KRT78: variants seen among roughly 807,000 people sequenced by gnomAD.
KRT78 encodes the protein keratin 78, also known as keratin, type II cytoskeletal 78.
Under a neutral mutation model 51.4 loss-of-function variants are expected in KRT78, and 55 were observed. The ratio of observed to expected loss-of-function variants is 1.07; its 90% CI spans 0.86 to 1.34. The LOEUF is 1.34. Among genes scored for constraint, KRT78 ranks in the 40% most tolerant of loss-of-function variants. KRT78 has a pLI of 0.00. For synonymous variants in KRT78, 291 were observed against 264.3 expected, an observed-to-expected ratio of 1.10 and a Z score of -0.98; for missense variants, 652 against 649.4, an observed-to-expected ratio of 1.00 and a Z score of -0.04.
chr12:52,848,023 G>A lies in KRT78; in HGVS notation c.483C>T (p.Val161=), dbSNP rs748413618. 16 of 1,614,066 alleles carry A rather than the reference G, an allele frequency of 9.9e-6. No homozygotes were observed. Among genetic ancestry groups the A allele is most frequent in the Non-Finnish European group, 1.2e-5 (14 of 1,180,024 alleles). Reference sequence around the variant, plus strand: ...TGAGCTGATCCAGGCAGGCCTCAAAGACAGGCTCCAGGCCCTGCTGGCTGC... The same window carrying A: ...TGAGCTGATCCAGGCAGGCCTCAAAAACAGGCTCCAGGCCCTGCTGGCTGC... The part of the protein sequence containing the change: ...LSGSQQGLEP[V]FEACLDQLRK... The change falls in exon 2 of 9, where the codon GTC becomes GTT. Residue 161 remains valine, a synonymous_variant. Transcript: ENST00000304620.
At chr12:52,846,640 C>G in intron 3 of KRT78, 124 bp downstream of exon 3, 1 of 903,800 alleles carries the variant, frequency 1.1e-6, no homozygotes, top group Non-Finnish European at 1.8e-6. Context: ...CAGGGGACCC[C>G]TGCAGGTAGA....
rs915191195 is a variant in KRT78, at chr12:52,846,262, C to A, written c.691G>T (p.Glu231Ter). 2.2e-5 allele frequency: 35 copies of A among 1,613,796 alleles called. No individual in the cohort carries two copies. The highest frequency in any genetic ancestry group is 3.0e-5 in the Non-Finnish European group (35 of 1,179,740). Reference protein sequence around the residue: ...DVDGVFLSKMELEGKLEALRE... With the variant: ...DVDGVFLSKM Reference sequence around the variant, plus strand: ...AGAGCCTCCAGCTTGCCCTCCAACTCCATCTTGCTCAGGAAAACCCCATCC... The same window carrying A: ...AGAGCCTCCAGCTTGCCCTCCAACTACATCTTGCTCAGGAAAACCCCATCC... Residue 231 changes from glutamate (E) to a stop codon, truncating the protein, a stop_gained, in exon 4 of 9, where the codon GAG (glutamate) becomes TAG (stop). Transcript: ENST00000304620. LOFTEE classifies it high-confidence loss of function.
chr12:52,840,106 T>C, intron 6 of KRT78, 122 bp from the exon 7 acceptor site: 7 of 674,248 alleles, frequency 1.0e-5, no homozygotes, highest in Non-Finnish European at 1.8e-5. Flanking sequence ...CTCAAAATTA[T>C]CCATGGCCGT....
In KRT78 at chr12:52,843,919, C is replaced by T. The variant is rs73106423; in HGVS notation, c.1047+174G>A. ...TCACAGCAGGAAGGCTGAATTCACC[C>T]TAGATGGGGCTTGAAGTTCTCTTCT... On this transcript the variant is annotated intron_variant, in intron 6 of 8. Coordinates refer to ENST00000304620, the MANE Select transcript of KRT78 (RefSeq NM_173352.4). Among the ~76,000 whole-genome samples, 6,045 of 152,170 alleles carry T rather than the reference C, an allele frequency of 0.04. 134 individuals carry two copies. The highest frequency in any genetic ancestry group is 0.054 in the Middle Eastern group (16 of 294).
intron 6 of KRT78, among the ~76,000 whole-genome samples, chr12:52,840,190 T>C (rs2120386513): frequency 6.6e-6 from 1 of 152,164 alleles, no homozygotes; most frequent in South Asian, 2.1e-4. Context: ...CTTCCTTACC[T>C]CCTGCAGTAG....
At chr12:52,847,668 C>A (rs564616900) in intron 2 of KRT78, among the ~76,000 whole-genome samples, 1 of 152,206 alleles carries the variant, frequency 6.6e-6, no homozygotes, top group Non-Finnish European at 1.5e-5. Flanking sequence ...TGTAGGACAC[C>A]GGTCTCCCTG....
At chr12:52,842,965 G>A (rs1401445754) in intron 6 of KRT78, among the ~76,000 whole-genome samples, 3 of 53,778 alleles carry the variant, frequency 5.6e-5, no homozygotes, top group East Asian at 1.2e-3. Flanking sequence ...GAGAGAGGAA[G>A]GAAGGAAGGA....
At chr12:52,846,515 G>T (rs1314077569) in intron 3 of KRT78, among the ~76,000 whole-genome samples, 1 of 152,084 alleles carries the variant, frequency 6.6e-6, no homozygotes, top group African/African-American at 2.4e-5. Context: ...AACCAGTTCT[G>T]CTTCTTCCTC....
chr12:52,843,043 AG>A (rs1940550013), intron 6 of KRT78, among the ~76,000 whole-genome samples: 1 of 66,998 alleles, frequency 1.5e-5, no homozygotes, highest in African/African-American at 7.4e-5. Flanking sequence ...GGAGGGAGGG[AG>A]GGAAGGGAGG....
chr12:52,839,228 C>A lies in KRT78; in HGVS notation c.1448G>T (p.Gly483Val). The change falls in exon 9 of 9, where the codon GGG becomes GTG. Residue 483 changes from glycine to valine, a missense_variant. Coordinates refer to ENST00000304620, the MANE Select transcript of KRT78 (RefSeq NM_173352.4). ...TGGSNIILGS[G>V]KDPVLDSCSV... ...GCAGGAATCCAAAACAGGGTCCTTC[C>A]CAGAGCCCAGAATGATGTTGGAGCC... 1.2e-6 allele frequency: 2 copies of A among 1,611,734 alleles called. No individual in the cohort carries two copies. Among genetic ancestry groups the A allele is most frequent in the Non-Finnish European group, 1.7e-6 (2 of 1,179,150 alleles).
intron 2 of KRT78, among the ~76,000 whole-genome samples, chr12:52,847,465 T>C (rs1565701506): frequency 6.6e-6 from 1 of 152,232 alleles, no homozygotes; most frequent in Non-Finnish European, 1.5e-5. Context: ...CATCTGTGAA[T>C]TGTGTCACAG....
In KRT78 at chr12:52,838,848, A is replaced by G; in HGVS notation, c.*265T>C. 1 of 520,162 alleles carries G rather than the reference A, an allele frequency of 1.9e-6. No individual in the cohort carries two copies. The highest frequency in any genetic ancestry group is 2.3e-5 in the South Asian group (1 of 42,954). 32.2% of individuals were successfully genotyped at this position (520,162 alleles called of 1,614,324 possible). ...GGCTGGGATGTGGAGTGAGATACCA[A>G]TAGAACACGTCTGGACACAGATATG... On this transcript the variant is annotated 3_prime_UTR_variant, in exon 9 of 9. Coordinates refer to ENST00000304620, the MANE Select transcript of KRT78 (RefSeq NM_173352.4).
intron 3 of KRT78, 49 bp from the exon 4 acceptor site, chr12:52,846,341 G>T: frequency 8.5e-7 from 1 of 1,181,890 alleles, no homozygotes; most frequent in Non-Finnish European, 1.3e-6. Flanking sequence ...CCTCTTTGGG[G>T]TCCCTACTCT....
chr12:52,848,453 TAGA>T (rs1940698925), intron 1 of KRT78, 91 bp downstream of exon 1: 3 of 1,551,312 alleles, frequency 1.9e-6, no homozygotes, highest in South Asian at 1.3e-5. Flanking sequence ...AGAAAAGTGG[TAGA>T]AGGAGGCCAA....
intron 1 of KRT78, 107 bp downstream of exon 1, chr12:52,848,440 A>G: frequency 6.6e-7 from 1 of 1,513,262 alleles, no homozygotes; most frequent in Admixed American, 2.1e-5. Flanking sequence ...TGCAGAAGTT[A>G]TTAGAAAAGT....
In KRT78 at chr12:52,848,544, C is replaced by T; in HGVS notation, c.384+3G>A. On this transcript the variant is annotated splice_donor_region_variant and intron_variant, in intron 1 of 8. Transcript: ENST00000304620. ...ACAGGGGCTTGGCTGAGTTGACCCT[C>T]ACCTTGTCAATGAAGGAAGCAAACT... 1 of 1,613,696 alleles carries T rather than the reference C, an allele frequency of 6.2e-7. No homozygotes were observed. The highest frequency in any genetic ancestry group is 8.5e-7 in the Non-Finnish European group (1 of 1,179,778).
At chr12:52,844,313 G>T in intron 5 of KRT78, 95 bp from the exon 6 acceptor site, 1 of 1,433,650 alleles carries the variant, frequency 7.0e-7, no homozygotes, top group Non-Finnish European at 9.4e-7. Context: ...CTCCTTATTT[G>T]GAGTGTGGGT....
At chr12:52,843,850 G>A (rs922526100) in intron 6 of KRT78, among the ~76,000 whole-genome samples, 1 of 152,142 alleles carries the variant, frequency 6.6e-6, no homozygotes, top group South Asian at 2.1e-4. Flanking sequence ...AGGGGAGTGC[G>A]ATCCAGTGGC....
intron 6 of KRT78, 52 bp downstream of exon 6, chr12:52,844,041 G>A: frequency 1.9e-6 from 3 of 1,601,368 alleles, no homozygotes. Flanking sequence ...TGGGAAGTGA[G>A]TTGAAGGCAC....
Sources: gnomAD v4.1 joint callset for allele counts (sites outside exome capture counted in the v4.1 genomes callset) on GRCh38, gnomAD v4.1.1 for gene constraint, MANE v1.5 for transcripts, NCBI Gene and HGNC (gene_info 2026-07-23, HGNC 2026-07-21) for gene names.